The following TRDN variants were observed in gnomAD, a reference collection of about 807,000 sequenced individuals.
The protein encoded by TRDN is triadin.
In TRDN, 161 loss-of-function variants were observed where a neutral mutation model predicts 149.7. The observed-to-expected ratio is 1.08, with a 90% confidence interval of 0.95 to 1.23. The LOEUF is 1.23. Among genes scored for constraint, TRDN ranks in the 50% most tolerant of loss-of-function variants. TRDN has a pLI of 0.00. For synonymous variants in TRDN, 294 were observed against 250.5 expected (o/e 1.17, Z -1.64); for missense variants, 896 against 823.5 (o/e 1.09, Z -1.08).
chr6:123,347,831 C>A (rs1004195653), intron 21 of TRDN, among the ~76,000 whole-genome samples: 13 of 152,026 alleles, frequency 8.6e-5, no homozygotes, highest in Admixed American at 2.6e-4. Flanking sequence ...ATAAGTAGCC[C>A]AGTCACAGAA....
chr6:123,548,773 A>G (rs1781245297), intron 2 of TRDN, among the ~76,000 whole-genome samples, 161 bp from the exon 3 acceptor site: 1 of 152,010 alleles, frequency 6.6e-6, no homozygotes, highest in Non-Finnish European at 1.5e-5. Flanking sequence ...AGAAATAGAA[A>G]CTTCATCTTG....
chr6:123,337,539 G>T lies in TRDN; in HGVS notation c.1420+80C>A, dbSNP rs1310883031. The stretch of plus-strand genomic sequence containing the variant: ...TTCTGGTTTACATATTTGCAAAGGG[G>T]ATGCAGCTAATGTACTGTGTTCTCA... On this transcript the variant is annotated intron_variant, in intron 22 of 40. Transcript: ENST00000334268. 2.1e-5 allele frequency: 12 copies of T among 568,670 alleles called. No homozygotes were observed. The East Asian group carries it at 5.3e-4, about 25-fold the overall frequency. The allele number at this position is 568,670 out of a possible 1,614,324, so 35.2% of individuals were successfully genotyped here.
At chr6:123,553,722 TGAAA>T (rs1781511464) in intron 2 of TRDN, among the ~76,000 whole-genome samples, 2 of 152,116 alleles carry the variant, frequency 1.3e-5, no homozygotes, top group Non-Finnish European at 2.9e-5. Flanking sequence ...GAGAGCCAAG[TGAAA>T]AGGGAAACCC....
At chr6:123,357,766 T>C (rs910337418) in intron 20 of TRDN, among the ~76,000 whole-genome samples, 5 of 152,166 alleles carry the variant, frequency 3.3e-5, no homozygotes, top group Non-Finnish European at 7.4e-5. Flanking sequence ...GAAGGGTAAA[T>C]GTCTCAGAAA....
At chr6:123,537,017 C>T (rs963218827) in intron 4 of TRDN, among the ~76,000 whole-genome samples, 2 of 151,982 alleles carry the variant, frequency 1.3e-5, no homozygotes, top group African/African-American at 4.8e-5. Flanking sequence ...ATATTAAGGA[C>T]ATTAAGCATG....
intron 38 of TRDN, among the ~76,000 whole-genome samples, chr6:123,242,114 C>G (rs2114546629): frequency 6.6e-6 from 1 of 152,258 alleles, no homozygotes; most frequent in Admixed American, 6.5e-5. Context: ...TGTCTAGAGC[C>G]TTATGACTCT....
chr6:123,584,777 G>C (rs1225075435), intron 1 of TRDN, among the ~76,000 whole-genome samples: 2 of 152,168 alleles, frequency 1.3e-5, no homozygotes, highest in African/African-American at 4.8e-5. Context: ...AAGCATGTTT[G>C]AGATCCAGAA....
chr6:123,503,473 A>G (rs2114831856), intron 8 of TRDN: 1 of 985,116 alleles, frequency 1.0e-6, no homozygotes, highest in Non-Finnish European at 1.2e-6. Context: ...TTCGGATGCT[A>G]CCTCCAAACC....
chr6:123,259,426 T>C (rs546679163), intron 35 of TRDN, among the ~76,000 whole-genome samples, 198 bp downstream of exon 35: 2 of 152,230 alleles, frequency 1.3e-5, no homozygotes, highest in South Asian at 2.1e-4. Context: ...CTGATCCTTT[T>C]AGATATTTAA....
chr6:123,540,817 A>C (rs1303172186), intron 4 of TRDN, among the ~76,000 whole-genome samples: 1 of 152,162 alleles, frequency 6.6e-6, no homozygotes, highest in East Asian at 1.9e-4. Context: ...CGCCAATGTG[A>C]GTTGGATTTT....
chr6:123,436,286 T>C (rs917217670), intron 12 of TRDN, among the ~76,000 whole-genome samples: 1 of 152,060 alleles, frequency 6.6e-6, no homozygotes, highest in African/African-American at 2.4e-5. Flanking sequence ...ACATATTTCA[T>C]CAGAAAATAA....
intron 1 of TRDN, among the ~76,000 whole-genome samples, chr6:123,617,439 G>A (rs896111541): frequency 1.2e-4 from 18 of 152,154 alleles, no homozygotes; most frequent in African/African-American, 4.1e-4. Flanking sequence ...TATTGCACAA[G>A]CTACAGTCTC....
At chr6:123,604,674 A>G (rs1325208474) in intron 1 of TRDN, among the ~76,000 whole-genome samples, 1 of 152,136 alleles carries the variant, frequency 6.6e-6, no homozygotes, top group African/African-American at 2.4e-5. Flanking sequence ...AAAGAGATGG[A>G]ATTTTAAAAT....
chr6:123,490,048 G>A (rs1778145478), intron 9 of TRDN, among the ~76,000 whole-genome samples: 1 of 152,106 alleles, frequency 6.6e-6, no homozygotes, highest in African/African-American at 2.4e-5. Context: ...AAGACAGAGA[G>A]CAGTAAGCTA....
At chr6:123,355,655 AC>A (rs1190485933) in intron 20 of TRDN, among the ~76,000 whole-genome samples, 1 of 151,738 alleles carries the variant, frequency 6.6e-6, no homozygotes, top group African/African-American at 2.4e-5. Context: ...AACAATAGCA[AC>A]AACAAGAAAT....
chr6:123,435,991 A>T (rs1350669472), intron 12 of TRDN, among the ~76,000 whole-genome samples: 2 of 152,080 alleles, frequency 1.3e-5, no homozygotes, highest in African/African-American at 4.8e-5. Context: ...CCAAACACAC[A>T]TGCACACACA....
intron 1 of TRDN, among the ~76,000 whole-genome samples, chr6:123,598,679 A>G (rs1207812250): frequency 2.6e-5 from 4 of 152,012 alleles, no homozygotes; most frequent in Non-Finnish European, 4.4e-5. Flanking sequence ...CATTTTGTCT[A>G]TTGTCTATGC....
chr6:123,365,779 T>C (rs112563747), intron 20 of TRDN, among the ~76,000 whole-genome samples: 9 of 152,316 alleles, frequency 5.9e-5, no homozygotes, highest in African/African-American at 1.9e-4. Context: ...TGAGTACTTT[T>C]AGTTAAAGTT....
intron 29 of TRDN, among the ~76,000 whole-genome samples, chr6:123,272,374 C>A (rs1215493784): frequency 6.6e-6 from 1 of 151,686 alleles, no homozygotes; most frequent in East Asian, 1.9e-4. Flanking sequence ...GAAATAAAAA[C>A]TTGTTTTTAT....
Sources: gnomAD v4.1 joint callset for allele counts (sites outside exome capture counted in the v4.1 genomes callset) on GRCh38, gnomAD v4.1.1 for gene constraint, MANE v1.5 for transcripts, NCBI Gene and HGNC (gene_info 2026-07-23, HGNC 2026-07-21) for gene names.